The following CABCOCO1 variants were observed in gnomAD, a reference collection of about 807,000 sequenced individuals.
The protein encoded by CABCOCO1 is ciliary associated calcium binding coiled-coil 1.
A neutral mutation model predicts 35.7 loss-of-function variants in CABCOCO1; 28 were observed. That is an observed-to-expected ratio of 0.78 (90% confidence interval 0.58 to 1.07). The LOEUF is 1.07. Among genes scored for constraint, CABCOCO1 ranks in the 50% least tolerant of loss-of-function variants. The pLI is 0.00. For missense variants in CABCOCO1, 326 were observed against 309.2 expected, an observed-to-expected ratio of 1.05 and a Z score of -0.41; for synonymous variants, 95 against 100.1, an observed-to-expected ratio of 0.95 and a Z score of 0.30.
At chr10:61,690,183 A>C (rs1189414036) in intron 4 of CABCOCO1, among the ~76,000 whole-genome samples, 1 of 152,126 alleles carries the variant, frequency 6.6e-6, no homozygotes, top group Non-Finnish European at 1.5e-5. Flanking sequence ...TGTTTGCAGC[A>C]AAAGAGCAAA....
At position 61,663,711 on chromosome 10, in the gene CABCOCO1, A is replaced by C. The variant is rs1388370801; in HGVS notation, c.60+679A>C. Among the ~76,000 whole-genome samples the C allele has an allele frequency of 3.9e-5, 6 of 152,130 alleles. No homozygotes were observed. The South Asian group carries it at 6.2e-4, about 16-fold the overall frequency. On this transcript the variant is annotated intron_variant, in intron 1 of 7. Transcript: ENST00000648843. ...TGGCTTCCTGTGTGACAAAAGGTTG[A>C]TCTTTAGGCCCCTCCCATCACCAGC...
At chr10:61,707,889 G>A (rs907780855) in intron 5 of CABCOCO1, among the ~76,000 whole-genome samples, 3 of 151,924 alleles carry the variant, frequency 2.0e-5, no homozygotes, top group African/African-American at 7.3e-5. Flanking sequence ...TGGTTCAAAG[G>A]TAAGCCCCCC....
intron 5 of CABCOCO1, among the ~76,000 whole-genome samples, chr10:61,710,464 C>A (rs1840707172): frequency 6.6e-6 from 1 of 151,742 alleles, no homozygotes; most frequent in Non-Finnish European, 1.5e-5. Context: ...CAAAAATATT[C>A]CACTTTTTAA....
chr10:61,699,252 TCACTC>T (rs761355362), intron 5 of CABCOCO1, among the ~76,000 whole-genome samples: 2 of 152,150 alleles, frequency 1.3e-5, no homozygotes, highest in Non-Finnish European at 2.9e-5. Flanking sequence ...TTATCAAACT[TCACTC>T]CAGTCCTTTT....
At chr10:61,760,311 T>C (rs752397070) in intron 6 of CABCOCO1, 130 bp downstream of exon 6, 1 of 1,269,468 alleles carries the variant, frequency 7.9e-7, no homozygotes, top group Non-Finnish European at 1.1e-6. Flanking sequence ...CAAATATTTC[T>C]CTAAGTGTTG....
chr10:61,665,573 C>CT (rs1839140224), intron 1 of CABCOCO1, among the ~76,000 whole-genome samples: 1 of 151,998 alleles, frequency 6.6e-6, no homozygotes, highest in African/African-American at 2.4e-5. Flanking sequence ...CATATAGTGA[C>CT]TTTTTTTAAT....
At chr10:61,734,951 T>C (rs1317388227) in intron 5 of CABCOCO1, among the ~76,000 whole-genome samples, 1 of 152,146 alleles carries the variant, frequency 6.6e-6, no homozygotes, top group Non-Finnish European at 1.5e-5. Flanking sequence ...CAACCTAACC[T>C]AAAAGTAACC....
chr10:61,669,298 A>C (rs1839288538), intron 1 of CABCOCO1, among the ~76,000 whole-genome samples: 2 of 152,166 alleles, frequency 1.3e-5, no homozygotes, highest in South Asian at 4.1e-4. Context: ...CTGGCAGATA[A>C]TATCAGGCTT....
chr10:61,721,177 G>C (rs984277768), intron 5 of CABCOCO1, among the ~76,000 whole-genome samples: 2 of 151,700 alleles, frequency 1.3e-5, no homozygotes, highest in Non-Finnish European at 2.9e-5. Context: ...ACCCGTCTCA[G>C]CCTCCCAAAG....
At chr10:61,708,315 G>T (rs935126637) in intron 5 of CABCOCO1, among the ~76,000 whole-genome samples, 1 of 151,604 alleles carries the variant, frequency 6.6e-6, no homozygotes, top group Non-Finnish European at 1.5e-5. Context: ...TACATTTCAC[G>T]TCTTCATTTG....
chr10:61,755,707 A>G lies in CABCOCO1; in HGVS notation c.553-4352A>G, dbSNP rs183464550. Among the ~76,000 whole-genome samples, 32 of 152,172 alleles carry G rather than the reference A, an allele frequency of 2.1e-4. No homozygotes were observed. The East Asian group carries it at 6.2e-3, about 29-fold the overall frequency. ...TTAATAATTATCCCCTTAGTCATAGATTTTAGTGGCACAAACACTACACAC... is the reference window on the plus strand; with the variant it reads ...TTAATAATTATCCCCTTAGTCATAGGTTTTAGTGGCACAAACACTACACAC... On this transcript the variant is annotated intron_variant, in intron 5 of 7. Transcript: ENST00000648843.
At chr10:61,686,247 A>G (rs1763087394) in intron 4 of CABCOCO1, 62 bp downstream of exon 4, 1 of 1,377,208 alleles carries the variant, frequency 7.3e-7, no homozygotes, top group African/African-American at 1.5e-5. Context: ...ATGTCTGTTA[A>G]GTAAAAAGTA....
At chr10:61,677,332 T>G (rs1256200345) in intron 2 of CABCOCO1, among the ~76,000 whole-genome samples, 2 of 152,116 alleles carry the variant, frequency 1.3e-5, no homozygotes, top group Non-Finnish European at 2.9e-5. Context: ...ATCATTTCTC[T>G]TTACTTTAGA....
intron 5 of CABCOCO1, among the ~76,000 whole-genome samples, chr10:61,720,715 C>T (rs1220477643): frequency 6.6e-6 from 1 of 151,878 alleles, no homozygotes; most frequent in East Asian, 1.9e-4. Context: ...GAGGACAAAA[C>T]CTTCAGAGAA....
chr10:61,680,640 ATATAATATATATTATGTTATACATG>A (rs1839725275), intron 2 of CABCOCO1, among the ~76,000 whole-genome samples: 3 of 27,266 alleles, frequency 1.1e-4, no homozygotes, highest in African/African-American at 9.4e-5. Flanking sequence ...TGTTATACAT[ATATAATATATATTATGTTATACATG>A]TATAACATAT....
intron 2 of CABCOCO1, among the ~76,000 whole-genome samples, chr10:61,679,118 A>C (rs1488314128): frequency 3.9e-5 from 6 of 152,102 alleles, no homozygotes. Flanking sequence ...AATCACATAA[A>C]ACCAACAAGG....
At chr10:61,688,302 C>G (rs1840027189) in intron 4 of CABCOCO1, among the ~76,000 whole-genome samples, 1 of 152,120 alleles carries the variant, frequency 6.6e-6, no homozygotes, top group African/African-American at 2.4e-5. Flanking sequence ...TTTACCCAAC[C>G]ACTAAAAGCC....
intron 5 of CABCOCO1, among the ~76,000 whole-genome samples, chr10:61,733,986 C>T (rs139654812): frequency 4.9e-4 from 74 of 152,162 alleles, no homozygotes; most frequent in African/African-American, 1.8e-3. Flanking sequence ...ACTATACACT[C>T]ATTTATATTC....
At chr10:61,737,168 G>A (rs1303675907) in intron 5 of CABCOCO1, among the ~76,000 whole-genome samples, 1 of 151,990 alleles carries the variant, frequency 6.6e-6, no homozygotes. Context: ...CTCCAAAGAA[G>A]ACATACATGC....
Sources: gnomAD v4.1 joint callset for allele counts (sites outside exome capture counted in the v4.1 genomes callset) on GRCh38, gnomAD v4.1.1 for gene constraint, MANE v1.5 for transcripts, NCBI Gene and HGNC (gene_info 2026-07-23, HGNC 2026-07-21) for gene names.